Variants in RANBP2 observed in about 807,000 individuals in gnomAD.
RANBP2 encodes the protein RAN binding protein 2.
In RANBP2, 57 loss-of-function variants were observed where a neutral mutation model predicts 303.6. That is an observed-to-expected ratio of 0.19 (90% confidence interval 0.15 to 0.23). The LOEUF (loss-of-function observed/expected upper bound fraction) is 0.23, where lower values mean the gene tolerates loss of function less well. Among genes scored for constraint, RANBP2 ranks in the 10% least tolerant of loss-of-function variants. The pLI, the probability that RANBP2 is intolerant of heterozygous loss-of-function variation, is 1.00. For synonymous variants in RANBP2, 1,167 were observed against 1,301.5 expected, an observed-to-expected ratio of 0.90 and a Z score of 2.23; for missense variants, 3,138 against 3,780.8, an observed-to-expected ratio of 0.83 and a Z score of 4.46.
chr2:109,095,846 G>T, the RANBP2 span, among the ~76,000 whole-genome samples: 1 of 152,090 alleles, frequency 6.6e-6, no homozygotes, highest in African/African-American at 2.4e-5. Context: ...AATAAAATTT[G>T]GTTTTCTCTT....
the RANBP2 span, among the ~76,000 whole-genome samples, chr2:108,831,676 T>G: frequency 1.4e-5 from 2 of 144,756 alleles, no homozygotes; most frequent in African/African-American, 2.7e-5. Flanking sequence ...GAATCTGATT[T>G]AGTAGATCTG....
At chr2:108,796,924 TTAATGA>T in the RANBP2 span, among the ~76,000 whole-genome samples, 3 of 152,174 alleles carry the variant, frequency 2.0e-5, no homozygotes, top group African/African-American at 7.2e-5. Flanking sequence ...GAAATTATAG[TTAATGA>T]TAATTTATTG....
the RANBP2 span, among the ~76,000 whole-genome samples, chr2:109,394,708 C>T: frequency 6.6e-6 from 1 of 152,206 alleles, no homozygotes; most frequent in African/African-American, 2.4e-5. Flanking sequence ...CAAGGTGACG[C>T]CACATGCAGA....
At chr2:109,214,787 G>A in the RANBP2 span, among the ~76,000 whole-genome samples, 5 of 152,178 alleles carry the variant, frequency 3.3e-5, no homozygotes, top group Non-Finnish European at 2.9e-5. Flanking sequence ...CTGGACTTGC[G>A]TCCTCACCCC....
chr2:108,995,914 C>A, the RANBP2 span, among the ~76,000 whole-genome samples: 4 of 152,168 alleles, frequency 2.6e-5, no homozygotes, highest in East Asian at 7.7e-4. Context: ...AAAGAATAAA[C>A]CCTCATGTCT....
Position 108,784,253 on chromosome 2 carries a change from A to G in RANBP2, c.*352A>G, listed in dbSNP as rs374547191. The G allele has an allele frequency of 5.3e-4, 105 of 196,680 alleles. No individual in the cohort carries two copies. The highest frequency in any genetic ancestry group is 2.4e-3 in the African/African-American group (101 of 42,460). The allele number at this position is 196,680 out of a possible 1,614,324, so 12.2% of individuals were successfully genotyped here. ...CTTTTAAGATATTTGGACTTCCTGC[A>G]TGGATATACTTACCATTTGAATAAA... On this transcript the variant is annotated 3_prime_UTR_variant, in exon 29 of 29. Coordinates refer to ENST00000283195, the MANE Select transcript of RANBP2 (RefSeq NM_006267.5).
the RANBP2 span, among the ~76,000 whole-genome samples, chr2:109,162,186 C>T: frequency 2.0e-5 from 3 of 152,154 alleles, no homozygotes; most frequent in Admixed American, 1.3e-4. Context: ...GGACAGATAC[C>T]ATGGACCTTA....
At chr2:109,430,697 C>A in the RANBP2 span, among the ~76,000 whole-genome samples, 1 of 152,246 alleles carries the variant, frequency 6.6e-6, no homozygotes, top group Middle Eastern at 3.2e-3. Context: ...GGAACAGAAT[C>A]ACACCCTGGT....
the RANBP2 span, chr2:109,567,908 G>C: frequency 6.2e-7 from 1 of 1,613,834 alleles, no homozygotes; most frequent in Non-Finnish European, 8.5e-7. Context: ...TCATGAGCTT[G>C]ATCTTAAACT....
the RANBP2 span, among the ~76,000 whole-genome samples, chr2:108,863,956 A>G: frequency 4.6e-5 from 7 of 152,198 alleles, no homozygotes; most frequent in African/African-American, 1.7e-4. Flanking sequence ...TTACATAATC[A>G]CTTTAATGAT....
chr2:109,083,256 G>C, the RANBP2 span, among the ~76,000 whole-genome samples: 1 of 152,074 alleles, frequency 6.6e-6, no homozygotes, highest in African/African-American at 2.4e-5. Flanking sequence ...TACCTTCTCA[G>C]ACTGAAACCC....
chr2:108,977,463 G>A, the RANBP2 span, among the ~76,000 whole-genome samples: 10 of 152,232 alleles, frequency 6.6e-5, no homozygotes, highest in East Asian at 7.7e-4. Context: ...GTAGAGACGC[G>A]GTTTCACTGT....
At chr2:108,827,888 A>G in the RANBP2 span, among the ~76,000 whole-genome samples, 1 of 152,028 alleles carries the variant, frequency 6.6e-6, no homozygotes, top group Non-Finnish European at 1.5e-5. Context: ...CCTGAAAAAA[A>G]TTCATCAGAG....
the RANBP2 span, among the ~76,000 whole-genome samples, chr2:108,864,024 G>T: frequency 1.3e-5 from 2 of 152,062 alleles, no homozygotes; most frequent in Non-Finnish European, 2.9e-5. Flanking sequence ...AAGATGAAAG[G>T]CTGGTCTTTC....
the RANBP2 span, chr2:108,930,072 A>T: frequency 6.9e-6 from 11 of 1,583,692 alleles, no homozygotes; most frequent in Non-Finnish European, 8.6e-6. Flanking sequence ...CACAAGCAGG[A>T]GGCCTCCCCT....
chr2:108,923,352 G>A, the RANBP2 span: 1 of 1,612,606 alleles, frequency 6.2e-7, no homozygotes, highest in South Asian at 1.1e-5. Flanking sequence ...GCTGGTGGAA[G>A]GACAAAGACA....
chr2:109,545,380 C>T, the RANBP2 span: 3 of 1,523,406 alleles, frequency 2.0e-6, no homozygotes, highest in African/African-American at 2.8e-5. Context: ...GATTTTAACA[C>T]ATACCCCAAA....
At chr2:108,909,431 G>C in the RANBP2 span, among the ~76,000 whole-genome samples, 2 of 17,470 alleles carry the variant, frequency 1.1e-4, no homozygotes, top group African/African-American at 4.1e-4. Flanking sequence ...GATTGGAATG[G>C]CTTTGCAAGG....
chr2:108,796,810 A>G, the RANBP2 span, among the ~76,000 whole-genome samples: 1 of 152,182 alleles, frequency 6.6e-6, no homozygotes, highest in Admixed American at 6.5e-5. Flanking sequence ...GGTGGTTACC[A>G]GAGGCTGGGA....
Sources: allele counts gnomAD v4.1 joint callset (sites outside exome capture counted in the v4.1 genomes callset), GRCh38; gene constraint gnomAD v4.1.1; transcripts MANE v1.5; gene names NCBI Gene and HGNC (gene_info 2026-07-23, HGNC 2026-07-21).